MACROD2: variants seen among roughly 807,000 people sequenced by gnomAD.
MACROD2 encodes the protein ADP-ribose glycohydrolase MACROD2.
MACROD2 carries 36 observed loss-of-function variants against 70.4 expected under a neutral mutation model. The ratio of observed to expected loss-of-function variants is 0.51; its 90% CI spans 0.39 to 0.68. The LOEUF (loss-of-function observed/expected upper bound fraction) is 0.68. Among genes scored for constraint, MACROD2 ranks in the 30% least tolerant of loss-of-function variants. MACROD2 has a pLI of 0.00. For missense variants in MACROD2, 496 were observed against 538.4 expected, an observed-to-expected ratio of 0.92 and a Z score of 0.78; for synonymous variants, 172 against 178.8, an observed-to-expected ratio of 0.96 and a Z score of 0.30.
At chr20:14,182,293 A>G (rs1313940754) in intron 3 of MACROD2, among the ~76,000 whole-genome samples, 1 of 152,164 alleles carries the variant, frequency 6.6e-6, no homozygotes, top group African/African-American at 2.4e-5. Flanking sequence ...AGAAATGTCT[A>G]TTCAAATTCT....
rs560264519 is a variant in MACROD2, at chr20:14,442,511, T to C, written c.272-50968T>C. On this transcript the variant is annotated intron_variant, in intron 3 of 17. Transcript: ENST00000684519. ...GATGCCAAAGTGAAAAATATGGAGATATTTATTGGAATAATACAAACTTCT... is the reference window on the plus strand; with the variant it reads ...GATGCCAAAGTGAAAAATATGGAGACATTTATTGGAATAATACAAACTTCT... Among the ~76,000 whole-genome samples, 11 of 152,256 alleles carry C rather than the reference T, an allele frequency of 7.2e-5. 2 individuals are homozygous for C. The South Asian group carries it at 2.3e-3, about 32-fold the overall frequency.
chr20:14,227,630 G>A (rs2081754433), intron 3 of MACROD2, among the ~76,000 whole-genome samples: 1 of 152,232 alleles, frequency 6.6e-6, no homozygotes, highest in African/African-American at 2.4e-5. Flanking sequence ...TTTAAGAACT[G>A]TAACACCGCG....
At chr20:15,165,771 T>A (rs1288825094) in intron 5 of MACROD2, among the ~76,000 whole-genome samples, 1 of 152,150 alleles carries the variant, frequency 6.6e-6, no homozygotes, top group Non-Finnish European at 1.5e-5. Flanking sequence ...ACAAAGGCAG[T>A]GCAAGAAATG....
intron 8 of MACROD2, among the ~76,000 whole-genome samples, chr20:15,542,224 C>A (rs926094548): frequency 2.0e-5 from 3 of 152,178 alleles, no homozygotes; most frequent in Admixed American, 2.0e-4. Flanking sequence ...GCTGTGTGAC[C>A]CTGAGTGAGT....
chr20:14,144,290 T>C (rs2054916162), intron 3 of MACROD2, among the ~76,000 whole-genome samples: 1 of 152,234 alleles, frequency 6.6e-6, no homozygotes, highest in African/African-American at 2.4e-5. Context: ...TAAATCTAAA[T>C]TTGTCAATCA....
intron 2 of MACROD2, among the ~76,000 whole-genome samples, chr20:14,012,443 A>T (rs2263683): frequency 0.54 from 81,738 of 152,018 alleles, 22,357 homozygotes; most frequent in African/African-American, 0.62. Context: ...AAAAGATATT[A>T]TGCAAAAACT....
chr20:15,052,166 CATATTAAGGCTAG>C (rs1383518811), intron 5 of MACROD2, among the ~76,000 whole-genome samples: 1 of 152,128 alleles, frequency 6.6e-6, no homozygotes, highest in Admixed American at 6.5e-5. Context: ...TTTACAACAC[CATATTAAGGCTAG>C]ATATTTATAT....
intron 5 of MACROD2, among the ~76,000 whole-genome samples, chr20:15,141,014 A>G (rs1363511155): frequency 6.6e-6 from 1 of 152,292 alleles, no homozygotes; most frequent in African/African-American, 2.4e-5. Flanking sequence ...AGGCACTAGC[A>G]TACATACATA....
At chr20:14,084,085 A>AAAAAAAAC (rs1555917207) in intron 2 of MACROD2, among the ~76,000 whole-genome samples, 47 of 148,288 alleles carry the variant, frequency 3.2e-4, no homozygotes, top group Non-Finnish European at 6.1e-4. Flanking sequence ...AAACAAACAA[A>AAAAAAAAC]AAAAAACCTT....
chr20:15,378,765 CAGAA>C (rs2045600946), intron 6 of MACROD2, among the ~76,000 whole-genome samples: 1 of 151,966 alleles, frequency 6.6e-6, no homozygotes, highest in Non-Finnish European at 1.5e-5. Context: ...CAAACTCAAA[CAGAA>C]TAGTAAAAAC....
chr20:15,555,660 G>C (rs981061382), intron 8 of MACROD2, among the ~76,000 whole-genome samples: 2 of 151,682 alleles, frequency 1.3e-5, no homozygotes, highest in African/African-American at 4.8e-5. Context: ...GCACAACACG[G>C]TGAAACCCCA....
At chr20:15,875,362 G>T (rs540196134) in intron 9 of MACROD2, among the ~76,000 whole-genome samples, 3 of 152,214 alleles carry the variant, frequency 2.0e-5, no homozygotes, top group Admixed American at 6.5e-5. Flanking sequence ...TAGAGTAAAA[G>T]AATTCAGTAT....
chr20:15,224,508 G>C (rs1297515939), intron 5 of MACROD2, among the ~76,000 whole-genome samples: 2 of 152,124 alleles, frequency 1.3e-5, no homozygotes, highest in Non-Finnish European at 2.9e-5. Flanking sequence ...ACATTATTCT[G>C]TCTCTCTGGG....
At chr20:14,479,411 G>C (rs1190763519) in intron 3 of MACROD2, among the ~76,000 whole-genome samples, 1 of 152,018 alleles carries the variant, frequency 6.6e-6, no homozygotes. Context: ...TCTTCAGTGG[G>C]GCTCCTCTTC....
intron 5 of MACROD2, among the ~76,000 whole-genome samples, chr20:15,198,219 A>G (rs1476497314): frequency 6.6e-6 from 1 of 152,018 alleles, no homozygotes; most frequent in South Asian, 2.1e-4. Context: ...TCAGCCTCCC[A>G]GAGTGTTTGA....
intron 2 of MACROD2, among the ~76,000 whole-genome samples, chr20:14,024,474 C>T (rs1210414015): frequency 6.6e-6 from 1 of 152,184 alleles, no homozygotes; most frequent in Non-Finnish European, 1.5e-5. Flanking sequence ...TGCTGGTTTT[C>T]AAAATGCTTC....
chr20:15,791,341 T>G (rs2063622787), intron 8 of MACROD2, among the ~76,000 whole-genome samples: 1 of 151,902 alleles, frequency 6.6e-6, no homozygotes, highest in African/African-American at 2.4e-5. Context: ...AAAGAAAGCT[T>G]AGCTGATATA....
At chr20:15,203,038 C>A (rs1264810164) in intron 5 of MACROD2, among the ~76,000 whole-genome samples, 1 of 152,084 alleles carries the variant, frequency 6.6e-6, no homozygotes, top group African/African-American at 2.4e-5. Context: ...AAATTTCAAT[C>A]CCTGCCACAA....
At chr20:15,482,906 ATTGGGT>A (rs2047117608) in intron 7 of MACROD2, among the ~76,000 whole-genome samples, 2 of 151,880 alleles carry the variant, frequency 1.3e-5, no homozygotes, top group South Asian at 4.2e-4. Flanking sequence ...CCAATTTTTA[ATTGGGT>A]TGTTCATTTA....
Sources: allele counts gnomAD v4.1 joint callset (sites outside exome capture counted in the v4.1 genomes callset), GRCh38; gene constraint gnomAD v4.1.1; transcripts MANE v1.5; gene names NCBI Gene and HGNC (gene_info 2026-07-23, HGNC 2026-07-21).